FARP1: variants seen among roughly 807,000 people sequenced by gnomAD.
FARP1 encodes the protein FERM, ARHGEF and pleckstrin domain-containing protein 1.
Under a neutral mutation model 128.8 loss-of-function variants are expected in FARP1, and 52 were observed. That is an observed-to-expected ratio of 0.40 (90% CI 0.32 to 0.51). The LOEUF is 0.51. FARP1 is among the 20% of genes least tolerant of loss of function. The pLI is 0.45. For synonymous variants in FARP1, 580 were observed against 551.8 expected, an observed-to-expected ratio of 1.05 and a Z score of -0.72; for missense variants, 1,333 against 1,367.9, an observed-to-expected ratio of 0.97 and a Z score of 0.40.
At chr13:98,239,251 C>G (rs987675458) in intron 2 of FARP1, among the ~76,000 whole-genome samples, 1 of 152,166 alleles carries the variant, frequency 6.6e-6, no homozygotes, top group Non-Finnish European at 1.5e-5. Flanking sequence ...ATTAGGTTCT[C>G]TACCCTGGAC....
chr13:98,302,502 G>A (rs186312145), intron 2 of FARP1, among the ~76,000 whole-genome samples: 349 of 152,206 alleles, frequency 2.3e-3, no homozygotes, highest in Non-Finnish European at 3.5e-3. Context: ...CTTCCTGGGC[G>A]TGCTCAGGCA....
chr13:98,156,737 T>C (rs1876520754), intron 1 of FARP1, among the ~76,000 whole-genome samples: 1 of 152,160 alleles, frequency 6.6e-6, no homozygotes. Flanking sequence ...AAATTTTTAT[T>C]TTTTTAAAGA....
intron 1 of FARP1, among the ~76,000 whole-genome samples, chr13:98,193,179 TCCCAAGTAGCTGAGACTACAGGCTTGCA>T (rs1879352553): frequency 6.6e-6 from 1 of 151,900 alleles, no homozygotes. Flanking sequence ...TGCCTCAGCC[TCCCAAGTAGCTGAGACTACAGGCTTGCA>T]CCACCACGCC....
chr13:98,312,728 C>T (rs759741410), intron 2 of FARP1, among the ~76,000 whole-genome samples: 8 of 152,094 alleles, frequency 5.3e-5, no homozygotes, highest in Non-Finnish European at 1.5e-5. Flanking sequence ...TCTCTTACAT[C>T]AGTTTATAAG....
At chr13:98,445,880 A>G (rs1892802857) in intron 24 of FARP1, 1 of 512,142 alleles carries the variant, frequency 2.0e-6, no homozygotes, top group Admixed American at 3.6e-5. Flanking sequence ...GGACACAGGG[A>G]CCCCAAGATG....
rs1411377055 is a variant in FARP1 at position 98,389,218 on chromosome 13, T to C, written c.856-739T>C. 2.0e-5 allele frequency among the ~76,000 whole-genome samples: 3 copies of C among 152,178 alleles called. No homozygotes were observed. The East Asian group carries it at 5.8e-4, about 29-fold the overall frequency. On this transcript the variant is annotated intron_variant, in intron 9 of 26. Coordinates refer to ENST00000319562, the MANE Select transcript of FARP1 (RefSeq NM_005766.4). ...AATGGTTTTCCATGGAAAAATTCAC[T>C]GGAGTTCCAAAAAGCTGCCTTATAG...
At position 98,384,686 on chromosome 13, in the gene FARP1, G is replaced by A. The variant is rs772952721; in HGVS notation, c.497-44G>A. On this transcript the variant is annotated intron_variant, in intron 6 of 26. Coordinates refer to ENST00000319562, the MANE Select transcript of FARP1 (RefSeq NM_005766.4). ...CTGGGGAATATTGACAAACTGGGAA[G>A]TGTCATTCCTACGTGACCTGTTTTT... 71 of 1,189,978 alleles carry A rather than the reference G, an allele frequency of 6.0e-5. No homozygotes were observed. In the South Asian group the frequency reaches 8.5e-4, roughly 14 times the overall value. The allele number at this position is 1,189,978 out of a possible 1,614,324, so 73.7% of individuals were successfully genotyped here. A position where few individuals can be genotyped will look rare whatever the true frequency, so the allele number is the denominator to read the frequency against.
intron 7 of FARP1, 118 bp from the exon 8 acceptor site, chr13:98,385,549 C>A (rs1890063906): frequency 1.8e-6 from 2 of 1,094,030 alleles, no homozygotes; most frequent in South Asian, 1.3e-5. Flanking sequence ...GATCGGGTAG[C>A]CCCAGTGTTT....
intron 2 of FARP1, among the ~76,000 whole-genome samples, chr13:98,219,182 C>G (rs965081861): frequency 2.0e-5 from 3 of 152,146 alleles, no homozygotes; most frequent in African/African-American, 7.2e-5. Flanking sequence ...GCTCCATAAG[C>G]TCCATCTCAG....
At chr13:98,256,948 G>GTTAT (rs59128917) in intron 2 of FARP1, among the ~76,000 whole-genome samples, 2 of 77,096 alleles carry the variant, frequency 2.6e-5, no homozygotes, top group East Asian at 8.4e-4. Context: ...TATATATGTG[G>GTTAT]ATATATATAT....
chr13:98,281,180 C>A (rs1214180853), intron 2 of FARP1, among the ~76,000 whole-genome samples: 3 of 152,106 alleles, frequency 2.0e-5, no homozygotes, highest in Admixed American at 2.0e-4. Flanking sequence ...ATGGTAAAGC[C>A]TGTCTCTACT....
At chr13:98,318,950 G>GTTT (rs56166470) in intron 2 of FARP1, among the ~76,000 whole-genome samples, 2,031 of 120,468 alleles carry the variant, frequency 0.017, 22 homozygotes, top group African/African-American at 0.033. Context: ...GTTTTTTCTT[G>GTTT]TTTTTTTTTT....
At chr13:98,268,160 A>C (rs897950898) in intron 2 of FARP1, among the ~76,000 whole-genome samples, 30 of 152,324 alleles carry the variant, frequency 2.0e-4, no homozygotes, top group African/African-American at 7.0e-4. Flanking sequence ...CATGAAATTC[A>C]CATTTCAGTG....
At chr13:98,211,765 C>T (rs1594276273) in intron 1 of FARP1, among the ~76,000 whole-genome samples, 1 of 152,240 alleles carries the variant, frequency 6.6e-6, no homozygotes, top group African/African-American at 2.4e-5. Flanking sequence ...CTTCATCTCA[C>T]CTGGAAATCT....
chr13:98,441,614 C>T (rs937055008), intron 24 of FARP1, among the ~76,000 whole-genome samples: 3 of 152,194 alleles, frequency 2.0e-5, no homozygotes, highest in African/African-American at 7.2e-5. Context: ...AGAACCTCTT[C>T]TCACACCAGG....
At position 98,215,637 on chromosome 13, in the gene FARP1, T is replaced by C. The variant is rs373796363; in HGVS notation, c.171+2224T>C. 1.7e-3 allele frequency among the ~76,000 whole-genome samples: 252 copies of C among 152,318 alleles called. 1 individual carries two copies. The highest frequency in any genetic ancestry group is 5.8e-3 in the African/African-American group (239 of 41,562). On this transcript the variant is annotated intron_variant, in intron 2 of 26. Coordinates refer to ENST00000319562, the MANE Select transcript of FARP1 (RefSeq NM_005766.4). ...ACATGCACGTCCAACTGCCTGCCTGTTCTGTCTATATCCCCAGCATCTAGC... is the reference window on the plus strand; with the variant it reads ...ACATGCACGTCCAACTGCCTGCCTGCTCTGTCTATATCCCCAGCATCTAGC...
At chr13:98,224,744 G>C (rs1434828739) in intron 2 of FARP1, among the ~76,000 whole-genome samples, 1 of 151,970 alleles carries the variant, frequency 6.6e-6, no homozygotes. Context: ...CAGGCAGGCA[G>C]TGAGAGAAGA....
intron 2 of FARP1, among the ~76,000 whole-genome samples, chr13:98,219,817 C>A: frequency 6.6e-6 from 1 of 152,076 alleles, no homozygotes; most frequent in Non-Finnish European, 1.5e-5. Context: ...AGGCACGCAT[C>A]ACCACACCTA....
intron 12 of FARP1, among the ~76,000 whole-genome samples, chr13:98,394,135 C>A (rs546864415): frequency 6.3e-4 from 96 of 152,316 alleles, no homozygotes; most frequent in Admixed American, 1.2e-3. Context: ...TGGCACAGAA[C>A]TGGTCGGCGA....
Sources: allele counts gnomAD v4.1 joint callset (sites outside exome capture counted in the v4.1 genomes callset), GRCh38; gene constraint gnomAD v4.1.1; transcripts MANE v1.5; gene names NCBI Gene and HGNC (gene_info 2026-07-23, HGNC 2026-07-21).